UBA6: variants seen among roughly 807,000 people sequenced by gnomAD.
UBA6 encodes ubiquitin like modifier activating enzyme 6.
Under a neutral mutation model 148.3 loss-of-function variants are expected in UBA6, and 87 were observed. The ratio of observed to expected loss-of-function variants is 0.59; its 90% confidence interval spans 0.49 to 0.70. UBA6 has a LOEUF of 0.70. Ranked by LOEUF, UBA6 falls within the 30% of genes least tolerant of loss-of-function variation. UBA6 has a pLI of 0.00. For missense variants in UBA6, 1,186 were observed against 1,241.2 expected (o/e 0.96, Z 0.67); for synonymous variants, 376 against 401.0 (o/e 0.94, Z 0.75).
intron 23 of UBA6, among the ~76,000 whole-genome samples, chr4:67,632,169 G>A (rs1462244581): frequency 1.3e-5 from 2 of 152,076 alleles, no homozygotes; most frequent in African/African-American, 4.8e-5. Flanking sequence ...GGTATCTACA[G>A]CAAACAAATG....
In UBA6 at chr4:67,681,595, G is replaced by A. The variant is rs774263202; in HGVS notation, c.230-4C>T. 9.5e-6 allele frequency: 15 copies of A among 1,579,174 alleles called. No homozygotes were observed. The highest frequency in any genetic ancestry group is 1.3e-5 in the Non-Finnish European group (15 of 1,167,482). On this transcript the variant is annotated splice_polypyrimidine_tract_variant and splice_region_variant and intron_variant, in intron 3 of 32. Coordinates refer to ENST00000322244, the MANE Select transcript of UBA6 (RefSeq NM_018227.6). Reference sequence around the variant, plus strand: ...CCTGCAAGAACAAGATTCTTTGCTAGAAAGGCAAAAGAAAAAGGAATAGCT... The same window carrying A: ...CCTGCAAGAACAAGATTCTTTGCTAAAAAGGCAAAAGAAAAAGGAATAGCT...
At chr4:67,682,647 G>T (rs1055050874) in intron 2 of UBA6, among the ~76,000 whole-genome samples, 1 of 152,150 alleles carries the variant, frequency 6.6e-6, no homozygotes, top group Non-Finnish European at 1.5e-5. Flanking sequence ...TCTTCTTGGA[G>T]TTCAGATGTT....
Position 67,625,276 on chromosome 4 carries a change from A to G in UBA6, c.2519-89T>C, listed in dbSNP as rs1193521094. 2.5e-5 allele frequency: 25 copies of G among 1,003,222 alleles called. No individual in the cohort carries two copies. In the Admixed American group the frequency reaches 6.2e-4, roughly 25 times the overall value. The allele number at this position is 1,003,222 out of a possible 1,614,324, so 62.1% of individuals were successfully genotyped here. Reference sequence around the variant, plus strand: ...AGCAATGTGAATTTACTAACTTTCAAAGATTCCTTTTTATATTTTTTAATG... The same window carrying G: ...AGCAATGTGAATTTACTAACTTTCAGAGATTCCTTTTTATATTTTTTAATG... On this transcript the variant is annotated intron_variant, in intron 28 of 32. Coordinates refer to ENST00000322244, the MANE Select transcript of UBA6 (RefSeq NM_018227.6).
intron 2 of UBA6, among the ~76,000 whole-genome samples, chr4:67,683,138 G>A (rs1730480362): frequency 6.6e-6 from 1 of 151,970 alleles, no homozygotes; most frequent in Non-Finnish European, 1.5e-5. Context: ...TGGTACTCAA[G>A]ACTTTTGTTT....
intron 32 of UBA6, among the ~76,000 whole-genome samples, chr4:67,620,111 T>A (rs947945339): frequency 1.6e-4 from 25 of 152,138 alleles, no homozygotes; most frequent in African/African-American, 6.0e-4. Context: ...CCACCATTCA[T>A]GATCATCACC....
At position 67,618,639 on chromosome 4, in the gene UBA6, T is replaced by A. The variant is rs1728681926; in HGVS notation, c.*358A>T. The A allele has an allele frequency of 6.1e-6, 1 of 163,832 alleles. No homozygotes were observed. Among genetic ancestry groups the A allele is most frequent in the South Asian group, 2.0e-4 (1 of 4,964 alleles). The allele number at this position is 163,832 out of a possible 1,614,324, so 10.1% of individuals were successfully genotyped here. A position where few individuals can be genotyped will look rare whatever the true frequency, so the allele number is the denominator to read the frequency against. On this transcript the variant is annotated 3_prime_UTR_variant, in exon 33 of 33. Transcript: ENST00000322244. The stretch of plus-strand genomic sequence containing the variant: ...AATTCATAAAATTAAACTTTTTGAA[T>A]AGTTGCATTCGTTGCTTTCAATTTC...
rs148948770 is a variant in UBA6 at position 67,682,419 on chromosome 4, A to G, written c.135-206T>C. 2.0e-5 allele frequency among the ~76,000 whole-genome samples: 3 copies of G among 152,344 alleles called. No homozygotes were observed. The East Asian group carries it at 5.8e-4, about 29-fold the overall frequency. On this transcript the variant is annotated intron_variant, in intron 2 of 32. Transcript: ENST00000322244. The stretch of plus-strand genomic sequence containing the variant: ...ATCAGATAATTTGGCACCACAATCC[A>G]TATTCCCTCAAGGCAATAGACAGAT...
At position 67,616,607 on chromosome 4, in the gene UBA6, C is replaced by G. The variant is rs150650171; in HGVS notation, c.*2390G>C. The G allele has an allele frequency of 1.3e-5, 2 of 152,510 alleles. No individual in the cohort carries two copies. The highest frequency in any genetic ancestry group is 2.9e-5 in the Non-Finnish European group (2 of 68,276). 9.4% of individuals were successfully genotyped at this position (152,510 alleles called of 1,614,324 possible). On this transcript the variant is annotated 3_prime_UTR_variant, in exon 33 of 33. Transcript: ENST00000322244. ...AGGTTTTACATGGTCACGACTATTTCTCTCCAACTGTTTTAAAAGAATTTC... is the reference window on the plus strand; with the variant it reads ...AGGTTTTACATGGTCACGACTATTTGTCTCCAACTGTTTTAAAAGAATTTC...
At chr4:67,692,968 G>C (rs540814514) in intron 2 of UBA6, among the ~76,000 whole-genome samples, 3 of 152,250 alleles carry the variant, frequency 2.0e-5, no homozygotes, top group Admixed American at 6.5e-5. Context: ...TTCTACAACA[G>C]GGGCACCAAA....
chr4:67,636,132 T>C (rs1292044050), intron 19 of UBA6, among the ~76,000 whole-genome samples: 2 of 152,146 alleles, frequency 1.3e-5, no homozygotes, highest in South Asian at 2.1e-4. Context: ...CATCTACTTA[T>C]TTAAGGAATA....
intron 13 of UBA6, among the ~76,000 whole-genome samples, chr4:67,650,023 T>G (rs1388885407): frequency 6.6e-6 from 1 of 152,172 alleles, no homozygotes; most frequent in Non-Finnish European, 1.5e-5. Context: ...AAATGGTTAC[T>G]ACTTACTATT....
rs752794407 is a variant in UBA6 at position 67,663,154 on chromosome 4, C to T, written c.1022G>A (p.Arg341His). The change falls in exon 12 of 33, where the codon CGC becomes CAC. Residue 341 changes from arginine to histidine, a missense_variant. Arg to His is a conservative substitution (Grantham distance 29, BLOSUM62 0). Coordinates refer to ENST00000322244, the MANE Select transcript of UBA6 (RefSeq NM_018227.6). Reference sequence around the variant, plus strand: ...AAAACATTACCCAACATTTGGCTTGCGACTGTATTTCTCCTGAAACTGGTC... The same window carrying T: ...AAAACATTACCCAACATTTGGCTTGTGACTGTATTTCTCCTGAAACTGGTC... ...ALDQFQEKYS[R>H]KPNVGCQQDS... The T allele has an allele frequency of 7.7e-5, 124 of 1,609,962 alleles. No homozygotes were observed. Among genetic ancestry groups the T allele is most frequent in the South Asian group, 1.7e-4 (15 of 90,318 alleles).
chr4:67,700,460 GA>G (rs1730950939), intron 1 of UBA6, among the ~76,000 whole-genome samples: 1 of 151,940 alleles, frequency 6.6e-6, no homozygotes. Flanking sequence ...ACAGGGGCGG[GA>G]AAGACCTGAA....
rs1007425776 is a variant in UBA6 at position 67,618,295 on chromosome 4, G to C, written c.*702C>G. On this transcript the variant is annotated 3_prime_UTR_variant, in exon 33 of 33. Transcript: ENST00000322244. The stretch of plus-strand genomic sequence containing the variant: ...GTTCACATTCACGGATTCTCTAAGA[G>C]CGTTGTGAGAGTCCATATAATACTG... 2 of 152,590 alleles carry C rather than the reference G, an allele frequency of 1.3e-5. No homozygotes were observed. Among genetic ancestry groups the C allele is most frequent in the Admixed American group, 1.3e-4 (2 of 15,272 alleles). The allele number at this position is 152,590 out of a possible 1,614,324, so 9.5% of individuals were successfully genotyped here. A position where few individuals can be genotyped will look rare whatever the true frequency, so the allele number is the denominator to read the frequency against.
intron 14 of UBA6, 90 bp from the exon 15 acceptor site, chr4:67,646,881 AG>A: frequency 3.3e-6 from 2 of 608,752 alleles, no homozygotes. Context: ...ATAGTCATGA[AG>A]AAAAAAATGA....
chr4:67,667,067 C>T (rs1164522514), intron 9 of UBA6, among the ~76,000 whole-genome samples: 15 of 152,034 alleles, frequency 9.9e-5, no homozygotes, highest in Admixed American at 9.8e-4. Flanking sequence ...TGTGGGTTTT[C>T]TTTCTCTTTA....
chr4:67,616,272 T>C lies in UBA6; in HGVS notation c.*2725A>G. 1 of 389,716 alleles carries C rather than the reference T, an allele frequency of 2.6e-6. No homozygotes were observed. The highest frequency in any genetic ancestry group is 3.6e-5 in the East Asian group (1 of 27,634). The allele number at this position is 389,716 out of a possible 1,614,324, so 24.1% of individuals were successfully genotyped here. ...TAAAATTAGATATTTGCAATCACAA[T>C]GAATATTCATTATAGTGGAAAGATT... is the stretch of plus-strand genomic sequence containing the variant. On this transcript the variant is annotated 3_prime_UTR_variant, in exon 33 of 33. Transcript: ENST00000322244.
At position 67,635,601 on chromosome 4, in the gene UBA6, T is replaced by C. The variant is rs74755123; in HGVS notation, c.1737-43A>G. On this transcript the variant is annotated intron_variant, in intron 19 of 32. Transcript: ENST00000322244. The stretch of plus-strand genomic sequence containing the variant: ...AAGTAAAAAACAAAAAAGTGAGCAA[T>C]AACAATGTAACCAAAGGACAACCTA... 3 of 1,199,056 alleles carry C rather than the reference T, an allele frequency of 2.5e-6. No homozygotes were observed. The African/African-American group carries it at 4.5e-5, about 18-fold the overall frequency. 74.3% of individuals were successfully genotyped at this position (1,199,056 alleles called of 1,614,324 possible). A position where few individuals can be genotyped will look rare whatever the true frequency, so the allele number is the denominator to read the frequency against.
Position 67,694,926 on chromosome 4 carries a change from G to A in UBA6, c.134+1719C>T, listed in dbSNP as rs191176075. Among the ~76,000 whole-genome samples, 10 of 152,228 alleles carry A rather than the reference G, an allele frequency of 6.6e-5. No homozygotes were observed. In the East Asian group the frequency reaches 1.5e-3, roughly 24 times the overall value. ...ACAGCTACACCAAAAGATACTCTCC[G>A]TCAAACAAAAGAAAATGGCTTACCT... On this transcript the variant is annotated intron_variant, in intron 2 of 32. Coordinates refer to ENST00000322244, the MANE Select transcript of UBA6 (RefSeq NM_018227.6).
Sources: allele counts gnomAD v4.1 joint callset (sites outside exome capture counted in the v4.1 genomes callset), GRCh38; gene constraint gnomAD v4.1.1; transcripts MANE v1.5; gene names NCBI Gene and HGNC (gene_info 2026-07-23, HGNC 2026-07-21).